Variants in NCKAP5 observed in about 807,000 individuals in gnomAD.
NCKAP5 encodes the protein nck-associated protein 5.
Under a neutral mutation model 167.0 loss-of-function variants are expected in NCKAP5, and 92 were observed. The ratio of observed to expected loss-of-function variants is 0.55; its 90% CI spans 0.47 to 0.66. NCKAP5 has a LOEUF of 0.66. NCKAP5 is among the 30% of genes least tolerant of loss of function. The pLI, the probability that NCKAP5 is intolerant of heterozygous loss-of-function variation, is 0.00. For missense variants in NCKAP5, 2,378 were observed against 2,315.0 expected (o/e 1.03, Z -0.56); for synonymous variants, 891 against 877.4 (o/e 1.02, Z -0.27).
chr2:133,385,330 T>A (rs1292027822), intron 3 of NCKAP5, among the ~76,000 whole-genome samples: 3 of 152,214 alleles, frequency 2.0e-5, no homozygotes, highest in Admixed American at 2.0e-4. Flanking sequence ...TTTGGTTCTG[T>A]TTATATGTTG....
At chr2:133,289,729 A>AC (rs978292146) in intron 4 of NCKAP5, among the ~76,000 whole-genome samples, 15 of 152,052 alleles carry the variant, frequency 9.9e-5, no homozygotes, top group South Asian at 6.2e-4. Context: ...AAACAAACAA[A>AC]AAAAAACAGC....
chr2:133,520,807 A>C (rs985516013), intron 2 of NCKAP5, among the ~76,000 whole-genome samples: 2 of 152,230 alleles, frequency 1.3e-5, no homozygotes, highest in African/African-American at 4.8e-5. Flanking sequence ...TATAATATTC[A>C]AATGATTTAG....
upstream of NCKAP5, among the ~76,000 whole-genome samples, chr2:133,571,856 G>C (rs1167721496): frequency 1.3e-5 from 2 of 152,016 alleles, no homozygotes; most frequent in Non-Finnish European, 2.9e-5. Flanking sequence ...ATGTGCCATT[G>C]GCTTTCAGTG....
At chr2:133,574,096 A>G in the NCKAP5 span, among the ~76,000 whole-genome samples, 2 of 151,894 alleles carry the variant, frequency 1.3e-5, no homozygotes, top group African/African-American at 2.4e-5. Flanking sequence ...CATTAAAATC[A>G]GTTGATAATA....
At chr2:133,278,291 T>C (rs2089810547) in intron 4 of NCKAP5, among the ~76,000 whole-genome samples, 1 of 152,218 alleles carries the variant, frequency 6.6e-6, no homozygotes, top group African/African-American at 2.4e-5. Context: ...AAACTGAAGA[T>C]GTCAAGAGGA....
intron 4 of NCKAP5, chr2:133,268,344 T>G (rs1185534098): frequency 6.6e-6 from 1 of 152,192 alleles, no homozygotes; most frequent in Non-Finnish European, 1.5e-5. Context: ...GGTTTGAAAT[T>G]TTGATTTACA....
intron 3 of NCKAP5, among the ~76,000 whole-genome samples, chr2:133,330,051 A>AT (rs1682728493): frequency 8.8e-6 from 1 of 114,252 alleles, no homozygotes; most frequent in Non-Finnish European, 1.8e-5. Context: ...AGAAAGCAAG[A>AT]CCTTTTTTTT....
At chr2:133,290,453 T>C (rs1574616502) in intron 4 of NCKAP5, among the ~76,000 whole-genome samples, 2 of 152,230 alleles carry the variant, frequency 1.3e-5, no homozygotes. Context: ...TTATTATTGC[T>C]ACTGGTTAGA....
At chr2:132,769,836 C>G (rs1681867250) in intron 16 of NCKAP5, among the ~76,000 whole-genome samples, 1 of 152,158 alleles carries the variant, frequency 6.6e-6, no homozygotes, top group South Asian at 2.1e-4. Flanking sequence ...ATACTTTTGT[C>G]TTAAAGGTAA....
At position 132,908,725 on chromosome 2, in the gene NCKAP5, T is replaced by G. The variant is rs141484370; in HGVS notation, c.580-29809A>C. Reference sequence around the variant, plus strand: ...ATGAAAGAATATCTGGAATTCTGACTGTGACAAAATCAGTTATGCTACCTT... The same window carrying G: ...ATGAAAGAATATCTGGAATTCTGACGGTGACAAAATCAGTTATGCTACCTT... On this transcript the variant is annotated intron_variant, in intron 8 of 19. Transcript: ENST00000409261. Among the ~76,000 whole-genome samples, 31 of 152,370 alleles carry G rather than the reference T, an allele frequency of 2.0e-4. 1 individual carries two copies. Among genetic ancestry groups the G allele is most frequent in the Admixed American group, 6.5e-4 (10 of 15,302 alleles).
At chr2:132,869,058 A>T in intron 9 of NCKAP5, 84 bp from the exon 10 acceptor site, 1 of 924,108 alleles carries the variant, frequency 1.1e-6, no homozygotes, top group Non-Finnish European at 1.6e-6. Context: ...AGTTTCTCGC[A>T]GCTTATTGTA....
At chr2:133,315,503 G>A (rs937467901) in intron 3 of NCKAP5, among the ~76,000 whole-genome samples, 7 of 152,062 alleles carry the variant, frequency 4.6e-5, no homozygotes, top group African/African-American at 1.4e-4. Flanking sequence ...CAACCAGGTC[G>A]TTAGTGCTCA....
intron 3 of NCKAP5, among the ~76,000 whole-genome samples, chr2:133,465,453 A>C (rs1692509609): frequency 1.3e-5 from 2 of 151,788 alleles, no homozygotes; most frequent in African/African-American, 4.8e-5. Flanking sequence ...ATCGTGAATA[A>C]TGCCGCAATA....
the NCKAP5 span, among the ~76,000 whole-genome samples, chr2:133,637,476 C>CAAAA: frequency 2.8e-3 from 89 of 31,654 alleles, 1 homozygote; most frequent in African/African-American, 0.012. Context: ...TGGTATTTTC[C>CAAAA]AAAAAAAAAA....
In NCKAP5 at chr2:132,784,124, C is replaced by A; in HGVS notation, c.2687G>T (p.Arg896Leu). ...QCPKSQTPGS[R>L]SRPAIESSDS... Reference sequence around the variant, plus strand: ...ACTAGACTCAATGGCAGGCCTTGACCGTGACCCTGGAGTCTGACTCTTGGG... The same window carrying A: ...ACTAGACTCAATGGCAGGCCTTGACAGTGACCCTGGAGTCTGACTCTTGGG... The change falls in exon 14 of 20, where the codon CGG (arginine) becomes CTG (leucine). Residue 896 changes from arginine to leucine, a missense_variant. By Grantham distance (102) the Arg-to-Leu change is moderately radical. This residue lies in a region of NCKAP5 where 1,325 missense variants were observed against 1,274.5 expected (regional missense o/e 1.04). Transcript: ENST00000409261. 6.6e-7 allele frequency: 1 copy of A among 1,522,358 alleles called. No individual in the cohort carries two copies. Among genetic ancestry groups the A allele is most frequent in the East Asian group, 2.3e-5 (1 of 44,054 alleles). The allele number at this position is 1,522,358 out of a possible 1,614,324, so 94.3% of individuals were successfully genotyped here.
intron 6 of NCKAP5, among the ~76,000 whole-genome samples, chr2:133,061,585 G>A (rs1400966514): frequency 1.3e-5 from 2 of 152,180 alleles, no homozygotes; most frequent in Non-Finnish European, 2.9e-5. Flanking sequence ...CACAGAACCA[G>A]ATCAAGAGCA....
the NCKAP5 span, among the ~76,000 whole-genome samples, chr2:133,578,301 A>T: frequency 1.3e-5 from 2 of 152,090 alleles, no homozygotes; most frequent in Admixed American, 6.6e-5. Context: ...TCTATCCCCC[A>T]TCTATCCCTG....
chr2:133,117,835 A>G (rs964805042), intron 6 of NCKAP5: 3 of 152,192 alleles, frequency 2.0e-5, no homozygotes, highest in African/African-American at 7.2e-5. Context: ...TGAGATATTC[A>G]TAAGACTCAC....
At chr2:133,269,604 A>G (rs577124593) in intron 4 of NCKAP5, among the ~76,000 whole-genome samples, 1 of 152,318 alleles carries the variant, frequency 6.6e-6, no homozygotes, top group African/African-American at 2.4e-5. Context: ...GGAGAGGTCA[A>G]TGAGGGTAGG....
Sources: gnomAD v4.1 joint callset for allele counts (sites outside exome capture counted in the v4.1 genomes callset) on GRCh38, gnomAD v4.1.1 for gene constraint, gnomAD v4.1.1 regional missense constraint, MANE v1.5 for transcripts, NCBI Gene and HGNC (gene_info 2026-07-23, HGNC 2026-07-21) for gene names.